The following PBX1 variants were observed in gnomAD, a reference collection of about 807,000 sequenced individuals.
PBX1 encodes pre-B-cell leukemia transcription factor 1.
A neutral mutation model predicts 53.4 loss-of-function variants in PBX1; 6 were observed. That is an observed-to-expected ratio of 0.11 (90% CI 0.06 to 0.22). PBX1 has a LOEUF of 0.22. PBX1 is among the 10% of genes least tolerant of loss of function. PBX1 has a pLI of 1.00. For synonymous variants in PBX1, 204 were observed against 212.3 expected (o/e 0.96, Z 0.34); for missense variants, 251 against 551.4 (o/e 0.46, Z 5.46).
At chr1:164,713,221 C>G (rs976491779) in intron 2 of PBX1, among the ~76,000 whole-genome samples, 1 of 152,138 alleles carries the variant, frequency 6.6e-6, no homozygotes, top group Non-Finnish European at 1.5e-5. Context: ...TTGAACTTTT[C>G]TCTATGTAGT....
chr1:164,763,726 G>T (rs1405395322), intron 2 of PBX1, among the ~76,000 whole-genome samples: 1 of 152,184 alleles, frequency 6.6e-6, no homozygotes, highest in African/African-American at 2.4e-5. Flanking sequence ...GCTGTATTGG[G>T]TGTAATTGTA....
At chr1:164,615,513 T>C (rs1657221620) in intron 2 of PBX1, among the ~76,000 whole-genome samples, 2 of 152,160 alleles carry the variant, frequency 1.3e-5, no homozygotes, top group Admixed American at 6.5e-5. Context: ...TGATTCCCTA[T>C]AGATGACAAC....
intron 8 of PBX1, among the ~76,000 whole-genome samples, chr1:164,822,222 A>G (rs1670196575): frequency 6.6e-6 from 1 of 152,060 alleles, no homozygotes; most frequent in Non-Finnish European, 1.5e-5. Flanking sequence ...GACAGACACA[A>G]GGAGAACCGA....
intron 2 of PBX1, among the ~76,000 whole-genome samples, chr1:164,704,221 A>G (rs1328217080): frequency 6.6e-6 from 1 of 152,216 alleles, no homozygotes; most frequent in Admixed American, 6.5e-5. Flanking sequence ...AAATATGATA[A>G]TAACTATAAA....
rs75406171 is a variant in PBX1 at position 164,786,851 on chromosome 1, C to T, written c.266-5643C>T. The stretch of plus-strand genomic sequence containing the variant: ...GAGTTAAAGATCTAGAGTTCAGTGT[C>T]GGCTGTGTCTCATTTGCTTTGATTT... On this transcript the variant is annotated intron_variant, in intron 2 of 8. Transcript: ENST00000420696. Among the ~76,000 whole-genome samples the T allele has an allele frequency of 8.1e-3, 1,238 of 152,116 alleles. 12 individuals are homozygous for T. Among genetic ancestry groups the T allele is most frequent in the African/African-American group, 0.028 (1,180 of 41,480 alleles).
chr1:164,742,207 G>A (rs1192549155), intron 2 of PBX1, among the ~76,000 whole-genome samples: 1 of 151,978 alleles, frequency 6.6e-6, no homozygotes, highest in African/African-American at 2.4e-5. Context: ...CAGGGTATCT[G>A]TATTACTTAC....
At chr1:164,759,848 T>C (rs1292338489) in intron 2 of PBX1, among the ~76,000 whole-genome samples, 2 of 152,164 alleles carry the variant, frequency 1.3e-5, no homozygotes, top group Non-Finnish European at 2.9e-5. Flanking sequence ...TTATGGCCTG[T>C]GCTCCTGACT....
chr1:164,884,713 A>G (rs1343495446), intron 2 of PBX1, among the ~76,000 whole-genome samples: 2 of 152,316 alleles, frequency 1.3e-5, no homozygotes, highest in East Asian at 1.9e-4. Flanking sequence ...ATATCAGCCA[A>G]AAAACTCTGG....
chr1:164,863,073 A>G (rs892603212), intron 2 of PBX1, among the ~76,000 whole-genome samples: 6 of 152,092 alleles, frequency 3.9e-5, no homozygotes, highest in African/African-American at 1.4e-4. Flanking sequence ...CAAGAGCATC[A>G]TTTGCTGAGT....
rs1212017827 is a variant in PBX1 at position 164,559,351 on chromosome 1, T to C, written c.-472T>C. 1 of 99,420 alleles carries C rather than the reference T, an allele frequency of 1.0e-5. No homozygotes were observed. The highest frequency in any genetic ancestry group is 1.4e-4 in the East Asian group (1 of 7,234). The allele number at this position is 99,420 out of a possible 1,614,324, so 6.2% of individuals were successfully genotyped here. On this transcript the variant is annotated 5_prime_UTR_variant, in exon 1 of 9. Transcript: ENST00000420696. Reference sequence around the variant, plus strand: ...AGTGGGGGTGGGGGGCAGCGGGGGGTGGGGGGGGAAAGTTTGCATTGCAAT... The same window carrying C: ...AGTGGGGGTGGGGGGCAGCGGGGGGCGGGGGGGGAAAGTTTGCATTGCAAT...
intron 2 of PBX1, among the ~76,000 whole-genome samples, chr1:164,606,464 C>T (rs975513726): frequency 2.0e-5 from 3 of 152,130 alleles, no homozygotes; most frequent in East Asian, 1.9e-4. Context: ...ACCTGGGAGG[C>T]GGAGGTTGCA....
chr1:164,793,486 A>C (rs1218683180), intron 3 of PBX1, among the ~76,000 whole-genome samples: 3 of 152,200 alleles, frequency 2.0e-5, no homozygotes, highest in Non-Finnish European at 4.4e-5. Flanking sequence ...ACGGATGTGA[A>C]GGACCATAAA....
intron 2 of PBX1, among the ~76,000 whole-genome samples, chr1:164,623,964 A>G (rs1657866240): frequency 6.6e-6 from 1 of 152,182 alleles, no homozygotes; most frequent in African/African-American, 2.4e-5. Flanking sequence ...CTGAGAATGG[A>G]TGAGTGGAAA....
intron 2 of PBX1, among the ~76,000 whole-genome samples, chr1:164,743,396 A>G (rs1334264825): frequency 6.6e-6 from 1 of 152,122 alleles, no homozygotes; most frequent in East Asian, 1.9e-4. Context: ...TAGCCCTTGG[A>G]TCCACTAGTT....
rs1671694565 is a variant in PBX1 at position 164,848,854 on chromosome 1, G to T, written c.*2178G>T. On this transcript the variant is annotated 3_prime_UTR_variant, in exon 9 of 9. Transcript: ENST00000420696. The stretch of plus-strand genomic sequence containing the variant: ...ACTGTGTGTGCTCAGGGGAGCAGGG[G>T]ATGCCACTGAAGAAACTCAAGGGAA... 1 of 1,065,488 alleles carries T rather than the reference G, an allele frequency of 9.4e-7. No individual in the cohort carries two copies. Among genetic ancestry groups the T allele is most frequent in the African/African-American group, 1.6e-5 (1 of 61,012 alleles). 66.0% of individuals were successfully genotyped at this position (1,065,488 alleles called of 1,614,324 possible). A position where few individuals can be genotyped will look rare whatever the true frequency, so the allele number is the denominator to read the frequency against.
intron 2 of PBX1, among the ~76,000 whole-genome samples, chr1:164,864,769 C>T (rs1672178704): frequency 6.6e-6 from 1 of 152,208 alleles, no homozygotes; most frequent in Admixed American, 6.5e-5. Flanking sequence ...GAAATGTATG[C>T]TCAGAAGGCA....
chr1:164,869,863 G>T (rs1019462276), intron 2 of PBX1, among the ~76,000 whole-genome samples: 19 of 152,298 alleles, frequency 1.2e-4, no homozygotes, highest in Admixed American at 1.2e-3. Context: ...TGGGGCAGAA[G>T]CAAGCCAGGC....
intron 2 of PBX1, among the ~76,000 whole-genome samples, chr1:164,860,646 A>T (rs1426711767): frequency 6.6e-6 from 1 of 152,176 alleles, no homozygotes. Flanking sequence ...TATGCAGAAG[A>T]CATGCATAGA....
chr1:164,595,724 A>T (rs1057247314), intron 2 of PBX1, among the ~76,000 whole-genome samples: 2 of 152,200 alleles, frequency 1.3e-5, no homozygotes. Context: ...CCATTATTAT[A>T]AACATCATTA....
Sources: allele counts gnomAD v4.1 joint callset (sites outside exome capture counted in the v4.1 genomes callset), GRCh38; gene constraint gnomAD v4.1.1; transcripts MANE v1.5; gene names NCBI Gene and HGNC (gene_info 2026-07-23, HGNC 2026-07-21).